The following TENM2 variants were observed in gnomAD, a reference collection of about 807,000 sequenced individuals.
TENM2 encodes the protein teneurin transmembrane protein 2, also known as teneurin-2.
Under a neutral mutation model 245.2 loss-of-function variants are expected in TENM2, and 52 were observed. The ratio of observed to expected loss-of-function variants is 0.21; its 90% CI spans 0.17 to 0.27. The LOEUF (loss-of-function observed/expected upper bound fraction) is 0.27. Ranked by LOEUF, TENM2 falls within the 10% of genes least tolerant of loss-of-function variation. The pLI, the probability that TENM2 is intolerant of heterozygous loss-of-function variation, is 1.00. For missense variants in TENM2, 3,046 were observed against 3,666.8 expected, an observed-to-expected ratio of 0.83 and a Z score of 4.37; for synonymous variants, 1,363 against 1,438.9, an observed-to-expected ratio of 0.95 and a Z score of 1.19.
chr5:167,680,936 T>A (rs1266729021), intron 2 of TENM2, among the ~76,000 whole-genome samples: 1 of 148,162 alleles, frequency 6.7e-6, no homozygotes, highest in African/African-American at 2.5e-5. Context: ...ACTTGAATGA[T>A]GTTGTTTTTA....
the TENM2 span, among the ~76,000 whole-genome samples, chr5:167,221,744 A>T: frequency 6.6e-6 from 1 of 152,196 alleles, no homozygotes; most frequent in African/African-American, 2.4e-5. Flanking sequence ...ACCAGTGAGG[A>T]GTGGGAGGTA....
chr5:167,443,805 A>G (rs1203576905), intron 2 of TENM2, among the ~76,000 whole-genome samples: 1 of 152,114 alleles, frequency 6.6e-6, no homozygotes, highest in Non-Finnish European at 1.5e-5. Context: ...TAACTTGAAA[A>G]CAGGGGACTT....
chr5:167,478,829 C>A (rs1767565787), intron 2 of TENM2, among the ~76,000 whole-genome samples: 1 of 152,176 alleles, frequency 6.6e-6, no homozygotes, highest in Non-Finnish European at 1.5e-5. Flanking sequence ...ACCTCAAGTG[C>A]CTTGTTCTCT....
chr5:168,149,677 C>T (rs1226959316), intron 12 of TENM2, among the ~76,000 whole-genome samples: 2 of 152,194 alleles, frequency 1.3e-5, no homozygotes, highest in Admixed American at 6.5e-5. Flanking sequence ...CTCTGTTCCT[C>T]ACCCAGCACA....
At chr5:167,666,628 A>G (rs554293902) in intron 2 of TENM2, among the ~76,000 whole-genome samples, 14 of 152,298 alleles carry the variant, frequency 9.2e-5, no homozygotes, top group African/African-American at 3.1e-4. Context: ...GCATATTTAC[A>G]TGTACTCTTC....
At chr5:167,024,683 C>T in the TENM2 span, among the ~76,000 whole-genome samples, 4 of 152,036 alleles carry the variant, frequency 2.6e-5, no homozygotes, top group Admixed American at 6.6e-5. Context: ...CTTGGCCAGT[C>T]GAGGAGCTGA....
At chr5:167,519,212 A>G (rs1368878931) in intron 2 of TENM2, among the ~76,000 whole-genome samples, 1 of 152,144 alleles carries the variant, frequency 6.6e-6, no homozygotes, top group Non-Finnish European at 1.5e-5. Flanking sequence ...CTTAAATATT[A>G]TCTTCTTATC....
intron 25 of TENM2, among the ~76,000 whole-genome samples, chr5:168,239,019 A>G (rs1765855034): frequency 6.6e-6 from 1 of 152,166 alleles, no homozygotes; most frequent in Non-Finnish European, 1.5e-5. Flanking sequence ...TTCTCCAGGA[A>G]GCCTCAAGGT....
At position 167,938,202 on chromosome 5, in the gene TENM2, T is replaced by C. The variant is rs143780143; in HGVS notation, c.713-14386T>C. ...AGGTAATAATTAACATTCTTGTGAA[T>C]TGCTCTGTGTGCCATGATGCATCCT... On this transcript the variant is annotated intron_variant, in intron 3 of 28. Transcript: ENST00000518659. 1.9e-3 allele frequency: 289 copies of C among 152,340 alleles called. 3 individuals carry two copies. The highest frequency in any genetic ancestry group is 6.8e-3 in the African/African-American group (281 of 41,578). 9.4% of individuals were successfully genotyped at this position (152,340 alleles called of 1,614,324 possible). A position where few individuals can be genotyped will look rare whatever the true frequency, so the allele number is the denominator to read the frequency against.
chr5:167,276,039 G>A, the TENM2 span, among the ~76,000 whole-genome samples: 3 of 151,950 alleles, frequency 2.0e-5, no homozygotes, highest in Admixed American at 1.3e-4. Flanking sequence ...TGCATCCTCA[G>A]AATAAATCTC....
chr5:167,705,867 T>C (rs1326822484), intron 2 of TENM2, among the ~76,000 whole-genome samples: 4 of 151,462 alleles, frequency 2.6e-5, no homozygotes, highest in Admixed American at 2.6e-4. Context: ...CATGTAGCAG[T>C]TGTCCTTTAT....
upstream of TENM2, among the ~76,000 whole-genome samples, chr5:167,284,286 G>A (rs556147883): frequency 6.6e-6 from 1 of 152,278 alleles, no homozygotes; most frequent in South Asian, 2.1e-4. Context: ...AGTATTAATA[G>A]CACATATTTA....
At chr5:167,680,768 G>C (rs186594215) in intron 2 of TENM2, among the ~76,000 whole-genome samples, 1 of 152,140 alleles carries the variant, frequency 6.6e-6, no homozygotes, top group African/African-American at 2.4e-5. Flanking sequence ...ACGCATCCTC[G>C]TCATTCCAAA....
intron 23 of TENM2, among the ~76,000 whole-genome samples, chr5:168,223,009 T>G (rs1357806872): frequency 6.6e-6 from 1 of 152,202 alleles, no homozygotes; most frequent in African/African-American, 2.4e-5. Context: ...GGCATTGAGA[T>G]CCCATTGCTG....
At chr5:167,124,513 A>C in the TENM2 span, among the ~76,000 whole-genome samples, 1 of 152,182 alleles carries the variant, frequency 6.6e-6, no homozygotes, top group Non-Finnish European at 1.5e-5. Context: ...CCTCCCATGT[A>C]ATATTCTTCT....
chr5:167,374,540 A>G (rs1174645283), intron 1 of TENM2, among the ~76,000 whole-genome samples: 1 of 152,202 alleles, frequency 6.6e-6, no homozygotes, highest in Non-Finnish European at 1.5e-5. Flanking sequence ...GATATTATAG[A>G]TGAGAAAATT....
At chr5:167,949,519 G>A (rs370013100) in intron 3 of TENM2, among the ~76,000 whole-genome samples, 6 of 152,182 alleles carry the variant, frequency 3.9e-5, no homozygotes, top group African/African-American at 1.4e-4. Flanking sequence ...TCTACACTTG[G>A]TTTTCGGGGA....
chr5:167,539,715 T>G (rs1400329407), intron 2 of TENM2, among the ~76,000 whole-genome samples: 1 of 152,198 alleles, frequency 6.6e-6, no homozygotes, highest in Non-Finnish European at 1.5e-5. Context: ...ATTGAGTGCT[T>G]TCTTCCATAT....
chr5:167,921,426 G>C (rs1777361422), intron 3 of TENM2, among the ~76,000 whole-genome samples: 1 of 152,172 alleles, frequency 6.6e-6, no homozygotes, highest in Non-Finnish European at 1.5e-5. Context: ...GATTACAAAT[G>C]AAAGTATTTG....
Sources: gnomAD v4.1 joint callset for allele counts (sites outside exome capture counted in the v4.1 genomes callset) on GRCh38, gnomAD v4.1.1 for gene constraint, MANE v1.5 for transcripts, NCBI Gene and HGNC (gene_info 2026-07-23, HGNC 2026-07-21) for gene names.